The following ZDHHC15 variants were observed in gnomAD, a reference collection of about 807,000 sequenced individuals.
ZDHHC15 encodes zDHHC palmitoyltransferase 15.
ZDHHC15 carries 19 observed loss-of-function variants against 31.7 expected under a neutral mutation model. That is an observed-to-expected ratio of 0.60 (90% CI 0.42 to 0.88). The LOEUF (loss-of-function observed/expected upper bound fraction) is 0.88, where lower values mean the gene tolerates loss of function less well. Among genes scored for constraint, ZDHHC15 ranks in the 40% least tolerant of loss-of-function variants. The pLI is 0.00. For synonymous variants in ZDHHC15, 103 were observed against 90.0 expected, an observed-to-expected ratio of 1.14 and a Z score of -0.82; for missense variants, 209 against 251.2, an observed-to-expected ratio of 0.83 and a Z score of 1.14.
chrX:75,478,856 G>C, intron 3 of ZDHHC15, 35 bp downstream of exon 3: 1 of 1,068,421 alleles, frequency 9.4e-7, no homozygotes, highest in Non-Finnish European at 1.3e-6. Context: ...ACTTTTTTCT[G>C]TTCTTATCCT....
At chrX:75,497,277 T>A (rs777306469) in intron 2 of ZDHHC15, among the ~76,000 whole-genome samples, 1 of 111,454 alleles carries the variant, frequency 9.0e-6, no homozygotes, top group Non-Finnish European at 1.9e-5. Flanking sequence ...CTTCCTAGAT[T>A]AAACCAGGAA....
chrX:75,461,710 C>T (rs142741482), intron 3 of ZDHHC15, among the ~76,000 whole-genome samples: 192 of 111,828 alleles, frequency 1.7e-3, no homozygotes, highest in Non-Finnish European at 2.7e-3. Context: ...AAATAAGATC[C>T]TTTTCAGACA....
intron 1 of ZDHHC15, among the ~76,000 whole-genome samples, chrX:75,508,877 T>G (rs2085214097): frequency 9.0e-6 from 1 of 111,537 alleles, no homozygotes; most frequent in South Asian, 3.7e-4. Flanking sequence ...TGGTTTTGAT[T>G]TGCATTTCTC....
chrX:75,450,010 T>C (rs1468949104), intron 4 of ZDHHC15, among the ~76,000 whole-genome samples: 3 of 111,742 alleles, frequency 2.7e-5, no homozygotes, highest in African/African-American at 9.7e-5. Context: ...TCATAGCAAA[T>C]TGACTCATAA....
At chrX:75,463,105 A>G (rs897586262) in intron 3 of ZDHHC15, among the ~76,000 whole-genome samples, 4 of 111,794 alleles carry the variant, frequency 3.6e-5, no homozygotes, top group Admixed American at 9.5e-5. Context: ...CCACAGAAAT[A>G]CAAACAACCA....
In ZDHHC15 at chrX:75,496,173, C is replaced by G. The variant is rs375881285; in HGVS notation, c.163+9648G>C. Among the ~76,000 whole-genome samples, 38 of 110,660 alleles carry G rather than the reference C, an allele frequency of 3.4e-4. 2 individuals are homozygous for G. The highest frequency in any genetic ancestry group is 3.1e-3 in the East Asian group (11 of 3,535). ...AGGTGTGGAAAAAGATATTCAATGC[C>G]AATGGAAACCAAAAGTGAACCAGAG... On this transcript the variant is annotated intron_variant, in intron 2 of 11. Transcript: ENST00000373367.
At chrX:75,462,526 T>TAA (rs1384247692) in intron 3 of ZDHHC15, among the ~76,000 whole-genome samples, 1 of 112,130 alleles carries the variant, frequency 8.9e-6, no homozygotes, top group Admixed American at 9.5e-5. Flanking sequence ...TAAACGGAAG[T>TAA]AAAACACTCC....
At chrX:75,461,641 A>G (rs2084316866) in intron 3 of ZDHHC15, among the ~76,000 whole-genome samples, 1 of 112,125 alleles carries the variant, frequency 8.9e-6, no homozygotes, top group East Asian at 2.8e-4. Context: ...ATTTTTAAAG[A>G]AAATAATTTT....
intron 10 of ZDHHC15, among the ~76,000 whole-genome samples, chrX:75,397,474 C>A (rs761551138): frequency 9.0e-6 from 1 of 111,096 alleles, no homozygotes; most frequent in African/African-American, 3.3e-5. Flanking sequence ...ACATTGTATA[C>A]CTGTATTAAG....
intron 10 of ZDHHC15, among the ~76,000 whole-genome samples, chrX:75,411,344 C>T (rs923796405): frequency 1.8e-5 from 2 of 110,876 alleles, no homozygotes; most frequent in Non-Finnish European, 3.8e-5. Flanking sequence ...TCCCGAGTAG[C>T]TGAGACTACA....
chrX:75,403,131 CA>C (rs1237725812), intron 10 of ZDHHC15, among the ~76,000 whole-genome samples: 1 of 112,175 alleles, frequency 8.9e-6, no homozygotes, highest in African/African-American at 3.2e-5. Flanking sequence ...GAACTAAAGA[CA>C]AAAACCACAT....
intron 3 of ZDHHC15, among the ~76,000 whole-genome samples, chrX:75,463,338 T>A (rs1322582978): frequency 9.0e-6 from 1 of 110,910 alleles, no homozygotes; most frequent in African/African-American, 3.3e-5. Context: ...AAAGAAAAGC[T>A]GGTATCATTT....
At chrX:75,376,280 A>G (rs1354190681) in intron 11 of ZDHHC15, among the ~76,000 whole-genome samples, 1 of 86,032 alleles carries the variant, frequency 1.2e-5, no homozygotes, top group Non-Finnish European at 2.5e-5. Context: ...TTGCTTGTTA[A>G]GTTCCCTATA....
intron 10 of ZDHHC15, among the ~76,000 whole-genome samples, chrX:75,406,908 T>A (rs2083417771): frequency 1.8e-5 from 2 of 112,150 alleles, no homozygotes; most frequent in African/African-American, 3.2e-5. Flanking sequence ...ATATCACGGA[T>A]GAACACAAAA....
At chrX:75,425,578 G>T (rs936264653) in intron 7 of ZDHHC15, among the ~76,000 whole-genome samples, 4 of 112,341 alleles carry the variant, frequency 3.6e-5, no homozygotes, top group African/African-American at 1.3e-4. Context: ...GAGAATCTTA[G>T]AAAACATTTT....
At chrX:75,497,731 G>T (rs749271155) in intron 2 of ZDHHC15, among the ~76,000 whole-genome samples, 2 of 110,905 alleles carry the variant, frequency 1.8e-5, no homozygotes, top group African/African-American at 6.6e-5. Context: ...ATAATAATAC[G>T]ATTATCTCAA....
chrX:75,444,687 T>TCGC (rs2084007295), intron 4 of ZDHHC15, among the ~76,000 whole-genome samples: 2 of 29,496 alleles, frequency 6.8e-5, no homozygotes, highest in African/African-American at 3.1e-4. Context: ...TATATATATA[T>TCGC]ACACACACAC....
At chrX:75,510,804 C>A (rs1226269396) in intron 1 of ZDHHC15, among the ~76,000 whole-genome samples, 4 of 73,515 alleles carry the variant, frequency 5.4e-5, no homozygotes, top group African/African-American at 2.0e-4. Flanking sequence ...TCAATTCCCA[C>A]CTATAAGTGA....
chrX:75,476,132 G>A (rs1264707104), intron 3 of ZDHHC15, among the ~76,000 whole-genome samples: 1 of 111,066 alleles, frequency 9.0e-6, no homozygotes, highest in African/African-American at 3.3e-5. Context: ...AATATTTACG[G>A]TTTTCTATAT....
Sources: gnomAD v4.1 joint callset for allele counts (sites outside exome capture counted in the v4.1 genomes callset) on GRCh38, gnomAD v4.1.1 for gene constraint, MANE v1.5 for transcripts, NCBI Gene and HGNC (gene_info 2026-07-23, HGNC 2026-07-21) for gene names.